Variants in RNLS observed in about 807,000 individuals in gnomAD.
RNLS encodes renalase.
A neutral mutation model predicts 39.8 loss-of-function variants in RNLS; 39 were observed. The observed-to-expected ratio is 0.98, with a 90% confidence interval of 0.76 to 1.28. RNLS has a LOEUF of 1.28. RNLS is among the 50% of genes most tolerant of loss of function. RNLS has a pLI of 0.00. For missense variants in RNLS, 410 were observed against 413.3 expected (o/e 0.99, Z 0.07); for synonymous variants, 147 against 150.7 (o/e 0.98, Z 0.18).
At chr10:88,456,298 C>T (rs1448704149) in intron 4 of RNLS, among the ~76,000 whole-genome samples, 3 of 151,196 alleles carry the variant, frequency 2.0e-5, no homozygotes, top group Non-Finnish European at 4.4e-5. Context: ...ACTATTACAA[C>T]TTTCCTTAAT....
chr10:88,366,208 T>C (rs79418681), intron 4 of RNLS, among the ~76,000 whole-genome samples: 1,676 of 152,212 alleles, frequency 0.011, 32 homozygotes, highest in African/African-American at 0.038. Context: ...TTATATAGAC[T>C]GTCAGGGATA....
rs763772698 is a variant in RNLS, at chr10:88,314,637, T to G, written c.705A>C (p.Ser235=). 2 of 1,613,270 alleles carry G rather than the reference T, an allele frequency of 1.2e-6. No homozygotes were observed. The highest frequency in any genetic ancestry group is 1.7e-6 in the Non-Finnish European group (2 of 1,179,512). ...TCACGAGGGAAGGCCCAATTTCTGA[T>G]GACTCTGTGGCATAAGAGGATCATA... is the stretch of plus-strand genomic sequence containing the variant. The part of the protein sequence containing the change: ...SIDNKKRNIE[S]SEIGPSLVIH... The change falls in exon 6 of 7, where the codon TCA becomes TCC. Residue 235 remains serine, a synonymous_variant. Transcript: ENST00000331772.
intron 4 of RNLS, among the ~76,000 whole-genome samples, chr10:88,386,257 G>A (rs1260959585): frequency 2.6e-5 from 4 of 152,188 alleles, no homozygotes; most frequent in African/African-American, 4.8e-5. Context: ...GGACTGCTAA[G>A]AATCCTTTTT....
intron 4 of RNLS, among the ~76,000 whole-genome samples, chr10:88,404,683 A>G (rs1014630093): frequency 1.3e-5 from 2 of 152,080 alleles, no homozygotes; most frequent in Non-Finnish European, 1.5e-5. Flanking sequence ...CTGTGGAAAA[A>G]TGAAGCTTGG....
intron 4 of RNLS, among the ~76,000 whole-genome samples, chr10:88,472,759 G>A (rs1010387277): frequency 2.0e-5 from 3 of 152,122 alleles, no homozygotes; most frequent in Admixed American, 2.0e-4. Context: ...GGAGCTTGTT[G>A]ACAAAGCATT....
chr10:88,235,832 G>GT, the RNLS span, among the ~76,000 whole-genome samples: 895 of 151,234 alleles, frequency 5.9e-3, 41 homozygotes, highest in East Asian at 0.1. Context: ...CTGTTGTTTT[G>GT]TTTTTTTGTT....
rs117882956 is a variant in RNLS, at chr10:88,453,412, G to A, written c.527-90687C>T. On this transcript the variant is annotated intron_variant, in intron 4 of 6. Coordinates refer to ENST00000331772, the MANE Select transcript of RNLS (RefSeq NM_001031709.3). Reference sequence around the variant, plus strand: ...GCCTGTCCCTTTGCTTCCCATTTAGGGAACTTTAAGGAGTTATTGCAGCTG... The same window carrying A: ...GCCTGTCCCTTTGCTTCCCATTTAGAGAACTTTAAGGAGTTATTGCAGCTG... 8.5e-3 allele frequency among the ~76,000 whole-genome samples: 1,295 copies of A among 152,258 alleles called. 23 individuals carry two copies. Among genetic ancestry groups the A allele is most frequent in the East Asian group, 0.032 (168 of 5,174 alleles).
At chr10:88,250,963 G>A in the RNLS span, among the ~76,000 whole-genome samples, 1 of 152,162 alleles carries the variant, frequency 6.6e-6, no homozygotes, top group African/African-American at 2.4e-5. Flanking sequence ...ACTGTTAAAT[G>A]TGTTTCATGC....
intron 6 of RNLS, among the ~76,000 whole-genome samples, chr10:88,276,323 T>G (rs1176915483): frequency 6.6e-6 from 1 of 152,148 alleles, no homozygotes; most frequent in African/African-American, 2.4e-5. Context: ...TGATTTCTTT[T>G]GTTAATTTCT....
intron 6 of RNLS, among the ~76,000 whole-genome samples, chr10:88,306,544 T>C (rs1403084277): frequency 2.6e-5 from 4 of 152,316 alleles, no homozygotes; most frequent in Admixed American, 2.6e-4. Flanking sequence ...GAGAATATTA[T>C]GAACACCTCT....
At chr10:88,205,151 T>C in the RNLS span, among the ~76,000 whole-genome samples, 1 of 152,140 alleles carries the variant, frequency 6.6e-6, no homozygotes, top group Non-Finnish European at 1.5e-5. Flanking sequence ...CACAGACAAG[T>C]GGCAGGGCTA....
At chr10:88,531,656 T>G (rs1288655861) in intron 4 of RNLS, among the ~76,000 whole-genome samples, 1 of 152,106 alleles carries the variant, frequency 6.6e-6, no homozygotes, top group East Asian at 1.9e-4. Flanking sequence ...TTTTATATAA[T>G]GGCACATACT....
chr10:88,251,429 G>A, the RNLS span, among the ~76,000 whole-genome samples: 24 of 152,340 alleles, frequency 1.6e-4, 1 homozygote, highest in East Asian at 3.5e-3. Context: ...GAATTTGAAA[G>A]AGCTCTTTTA....
chr10:88,221,696 C>T, the RNLS span, among the ~76,000 whole-genome samples: 2,178 of 152,354 alleles, frequency 0.014, 22 homozygotes, highest in Non-Finnish European at 0.022. Context: ...TTTTGGAGTA[C>T]TGTTTCCTCT....
At chr10:88,554,983 G>A (rs1186798715) in intron 4 of RNLS, among the ~76,000 whole-genome samples, 1 of 152,060 alleles carries the variant, frequency 6.6e-6, no homozygotes, top group Non-Finnish European at 1.5e-5. Flanking sequence ...ATTCTCAATA[G>A]GAGTGATATC....
At chr10:88,391,941 C>T (rs1430831878) in intron 4 of RNLS, among the ~76,000 whole-genome samples, 2 of 152,232 alleles carry the variant, frequency 1.3e-5, no homozygotes, top group Non-Finnish European at 2.9e-5. Context: ...TAAACACTGG[C>T]AGTCTGGCAG....
intron 4 of RNLS, among the ~76,000 whole-genome samples, chr10:88,363,057 C>A (rs879331904): frequency 3.3e-5 from 5 of 152,116 alleles, no homozygotes; most frequent in Non-Finnish European, 7.4e-5. Flanking sequence ...TACACTGACC[C>A]CTTACTACAA....
At chr10:88,190,591 T>C in the RNLS span, among the ~76,000 whole-genome samples, 34 of 152,336 alleles carry the variant, frequency 2.2e-4, no homozygotes, top group South Asian at 6.8e-3. Context: ...CTATAATATA[T>C]TAAGGCTCTT....
At chr10:88,328,470 T>C (rs1846813541) in intron 5 of RNLS, among the ~76,000 whole-genome samples, 1 of 152,196 alleles carries the variant, frequency 6.6e-6, no homozygotes, top group African/African-American at 2.4e-5. Context: ...AGGGGTATTT[T>C]TTCTTTGTAT....
Sources: gnomAD v4.1 joint callset for allele counts (sites outside exome capture counted in the v4.1 genomes callset) on GRCh38, gnomAD v4.1.1 for gene constraint, MANE v1.5 for transcripts, NCBI Gene and HGNC (gene_info 2026-07-23, HGNC 2026-07-21) for gene names.